BST1: variants seen among roughly 807,000 people sequenced by gnomAD.
BST1 encodes the protein bone marrow stromal cell antigen 1.
In BST1, 49 loss-of-function variants were observed where a neutral mutation model predicts 40.6. The observed-to-expected ratio is 1.21, with a 90% CI of 0.96 to 1.53. BST1 has a LOEUF of 1.53. Among genes scored for constraint, BST1 ranks in the 40% most tolerant of loss-of-function variants. The probability of loss-of-function intolerance (pLI) is 0.00; values close to 1 mark genes in which losing one functional copy is unlikely to be tolerated. For synonymous variants in BST1, 157 were observed against 159.3 expected, an observed-to-expected ratio of 0.99 and a Z score of 0.11; for missense variants, 423 against 395.9, an observed-to-expected ratio of 1.07 and a Z score of -0.58.
chr4:15,766,230 C>G, the BST1 span, among the ~76,000 whole-genome samples: 487 of 151,986 alleles, frequency 3.2e-3, 12 homozygotes, highest in African/African-American at 0.011. Flanking sequence ...ATCCATGATA[C>G]GAGCTTGTAA....
intron 6 of BST1, among the ~76,000 whole-genome samples, chr4:15,716,446 C>T (rs927766097): frequency 1.8e-4 from 28 of 152,174 alleles, no homozygotes; most frequent in Admixed American, 7.9e-4. Context: ...CAAGCTGAGG[C>T]CTTGTCCTTC....
Position 15,718,900 on chromosome 4 carries a change from GTTT to G in BST1, c.705-5_705-3del. The G allele has an allele frequency of 6.2e-7, 1 of 1,612,560 alleles. No homozygotes were observed. On this transcript the variant is annotated splice_polypyrimidine_tract_variant and splice_region_variant and intron_variant, in intron 6 of 8. Transcript: ENST00000265016. Reference sequence around the variant, plus strand: ...TTACTTTTTAATTATATATTTTCATGTTTTAGGGAATCCTGCGGGGAAGGCAGC... The same window carrying G: ...TTACTTTTTAATTATATATTTTCATGTAGGGAATCCTGCGGGGAAGGCAGC...
At chr4:15,731,523 C>T in intron 8 of BST1, 1 of 1,063,920 alleles carries the variant, frequency 9.4e-7, no homozygotes, top group Non-Finnish European at 1.4e-6. Context: ...TGAAGCTGAT[C>T]TGCAACTCCA....
chr4:15,728,882 G>A (rs1367785590), intron 8 of BST1, among the ~76,000 whole-genome samples: 1 of 152,010 alleles, frequency 6.6e-6, no homozygotes, highest in Non-Finnish European at 1.5e-5. Context: ...CTGACTTCAG[G>A]TGATCCTTCT....
downstream of BST1, among the ~76,000 whole-genome samples, chr4:15,736,630 C>T (rs11934811): frequency 0.16 from 24,351 of 151,460 alleles, 2,090 homozygotes; most frequent in East Asian, 0.3. Flanking sequence ...AAAAAATCTG[C>T]GATTCAAGAT....
chr4:15,712,315 G>C (rs1270006191), intron 4 of BST1, among the ~76,000 whole-genome samples: 1 of 152,172 alleles, frequency 6.6e-6, no homozygotes, highest in Non-Finnish European at 1.5e-5. Flanking sequence ...GGAACTGATA[G>C]GAGATGGAGG....
intron 8 of BST1, among the ~76,000 whole-genome samples, chr4:15,726,988 A>T (rs995241716): frequency 2.0e-5 from 3 of 150,026 alleles, no homozygotes; most frequent in African/African-American, 7.4e-5. Flanking sequence ...CCCCTGCTTC[A>T]GCCTCCCGAG....
downstream of BST1, among the ~76,000 whole-genome samples, chr4:15,740,890 T>C (rs2148901484): frequency 6.6e-6 from 1 of 152,072 alleles, no homozygotes; most frequent in East Asian, 2.0e-4. Flanking sequence ...AGTAATACTT[T>C]TAGCTTTGCT....
the BST1 span, among the ~76,000 whole-genome samples, chr4:15,765,659 C>T: frequency 2.0e-5 from 3 of 152,060 alleles, no homozygotes; most frequent in African/African-American, 7.3e-5. Flanking sequence ...AGGCTTGCTT[C>T]TGCCTTAGGG....
At chr4:15,704,260 ATG>A (rs2148875445) in intron 1 of BST1, among the ~76,000 whole-genome samples, 1 of 87,270 alleles carries the variant, frequency 1.1e-5, no homozygotes, top group Admixed American at 1.1e-4. Context: ...TGAGGTGTGT[ATG>A]TGTGTTCTAG....
rs537871580 is a variant in BST1, at chr4:15,719,119, G to A, written c.791+126G>A. On this transcript the variant is annotated intron_variant, in intron 7 of 8. Transcript: ENST00000265016. ...CATGGTGTCTTCCGGGTGGCTTCTC[G>A]GTGTGGAGGCAAGGAGCACTTTCTG... is the stretch of plus-strand genomic sequence containing the variant. The A allele has an allele frequency of 1.8e-4, 140 of 760,568 alleles. No homozygotes were observed. The African/African-American group carries it at 2.3e-3, about 12-fold the overall frequency. The allele number at this position is 760,568 out of a possible 1,614,324, so 47.1% of individuals were successfully genotyped here. A position where few individuals can be genotyped will look rare whatever the true frequency, so the allele number is the denominator to read the frequency against.
downstream of BST1, among the ~76,000 whole-genome samples, chr4:15,739,292 T>C (rs1398024019): frequency 6.6e-6 from 1 of 152,226 alleles, no homozygotes; most frequent in Non-Finnish European, 1.5e-5. Flanking sequence ...TTCTTGGTAG[T>C]CTCTTTAAAA....
At chr4:15,718,884 A>C in intron 6 of BST1, 23 bp from the exon 7 acceptor site, 3 of 1,600,306 alleles carry the variant, frequency 1.9e-6, no homozygotes, top group Non-Finnish European at 2.6e-6. Context: ...CTTACTTTTT[A>C]ATTATATATT....
chr4:15,731,786 C>A lies in BST1; in HGVS notation c.898C>A (p.Gln300Lys). Residue 300 changes from glutamine to lysine, a missense_variant, in exon 9 of 9, where the codon CAA (glutamine) becomes AAA (lysine). Transcript: ENST00000265016. The part of the protein sequence containing the change: ...QRKAPSLYTE[Q>K]RAGLIIPLFL... ...AAAAGCCCCAAGTCTTTATACAGAA[C>A]AAAGGGCGGGTCTTATCATTCCCCT... The A allele has an allele frequency of 6.2e-7, 1 of 1,613,820 alleles. No homozygotes were observed. The highest frequency in any genetic ancestry group is 8.5e-7 in the Non-Finnish European group (1 of 1,179,914).
the BST1 span, among the ~76,000 whole-genome samples, chr4:15,756,914 T>C: frequency 5.9e-5 from 9 of 152,352 alleles, no homozygotes; most frequent in Non-Finnish European, 4.4e-5. Context: ...GTTATTCAGA[T>C]ACACTGCAGA....
downstream of BST1, among the ~76,000 whole-genome samples, chr4:15,738,896 G>C (rs1220987015): frequency 6.6e-6 from 1 of 152,228 alleles, no homozygotes; most frequent in Non-Finnish European, 1.5e-5. Context: ...ACTAACCTGA[G>C]AGACAGCCCA....
the BST1 span, among the ~76,000 whole-genome samples, chr4:15,745,980 G>A: frequency 6.6e-6 from 1 of 152,210 alleles, no homozygotes; most frequent in African/African-American, 2.4e-5. Context: ...GACTACATAG[G>A]GATAGAGGAG....
At chr4:15,727,880 C>T (rs1472666402) in intron 8 of BST1, among the ~76,000 whole-genome samples, 1 of 151,582 alleles carries the variant, frequency 6.6e-6, no homozygotes, top group Non-Finnish European at 1.5e-5. Context: ...GACAAGTAAA[C>T]AGTTACATCA....
chr4:15,735,544 G>T (rs756212069), downstream of BST1, among the ~76,000 whole-genome samples: 1 of 152,214 alleles, frequency 6.6e-6, no homozygotes, highest in African/African-American at 2.4e-5. Flanking sequence ...CTTGAAGTGT[G>T]TGATATTGCT....
Sources: gnomAD v4.1 joint callset for allele counts (sites outside exome capture counted in the v4.1 genomes callset) on GRCh38, gnomAD v4.1.1 for gene constraint, MANE v1.5 for transcripts, NCBI Gene and HGNC (gene_info 2026-07-23, HGNC 2026-07-21) for gene names.